PLEKHG1: variants seen among roughly 807,000 people sequenced by gnomAD.
PLEKHG1 encodes pleckstrin homology and RhoGEF domain containing G1, also known as pleckstrin homology domain-containing family G member 1.
Under a neutral mutation model 100.8 loss-of-function variants are expected in PLEKHG1, and 44 were observed. The observed-to-expected ratio is 0.44, with a 90% confidence interval of 0.34 to 0.56. The LOEUF (loss-of-function observed/expected upper bound fraction) is 0.56, where lower values mean the gene tolerates loss of function less well. PLEKHG1 is among the 20% of genes least tolerant of loss of function. The probability of loss-of-function intolerance (pLI) is 0.01; values close to 1 mark genes in which losing one functional copy is unlikely to be tolerated. For synonymous variants in PLEKHG1, 640 were observed against 662.5 expected, an observed-to-expected ratio of 0.97 and a Z score of 0.52; for missense variants, 1,545 against 1,720.9, an observed-to-expected ratio of 0.90 and a Z score of 1.81.
exon 15 of PLEKHG1, chr6:150,830,821 T>A: frequency 6.2e-7 from 1 of 1,614,112 alleles, no homozygotes; most frequent in Non-Finnish European, 8.5e-7. Context: ...CCTCCTCAGA[T>A]CTGAACTCTA....
At chr6:150,616,901 T>TATTATG (rs10648233) in intron 1 of PLEKHG1, among the ~76,000 whole-genome samples, 120,450 of 151,560 alleles carry the variant, frequency 0.79, 47,932 homozygotes, top group Admixed American at 0.85. Context: ...ATTCTCAATC[T>TATTATG]ATAAAAATCA....
intron 1 of PLEKHG1, among the ~76,000 whole-genome samples, chr6:150,629,691 C>A (rs892943559): frequency 2.0e-5 from 3 of 152,174 alleles, no homozygotes; most frequent in Admixed American, 1.3e-4. Context: ...GATCTCCTGA[C>A]CTCATGATCC....
intron 14 of PLEKHG1, among the ~76,000 whole-genome samples, chr6:150,826,413 G>C (rs934901615): frequency 1.3e-5 from 2 of 152,158 alleles, no homozygotes; most frequent in African/African-American, 4.8e-5. Flanking sequence ...AGCCGAGATT[G>C]TGCCACTGTA....
At chr6:150,686,601 T>G (rs529242018) in intron 3 of PLEKHG1, among the ~76,000 whole-genome samples, 1 of 152,344 alleles carries the variant, frequency 6.6e-6, no homozygotes, top group Admixed American at 6.5e-5. Flanking sequence ...TTCTCTTCTG[T>G]TGATTGACTT....
chr6:150,610,644 A>G (rs995513033), intron 1 of PLEKHG1, among the ~76,000 whole-genome samples: 22 of 152,254 alleles, frequency 1.4e-4, no homozygotes, highest in Non-Finnish European at 2.9e-5. Flanking sequence ...GAGCAGGAAA[A>G]GGAAGGAAAG....
intron 1 of PLEKHG1, among the ~76,000 whole-genome samples, chr6:150,727,812 G>A (rs1391449063): frequency 2.6e-5 from 4 of 152,142 alleles, no homozygotes; most frequent in South Asian, 2.1e-4. Context: ...TAAGCCATTC[G>A]CAAGGTTTGG....
chr6:150,749,850 G>A (rs1439719854), intron 2 of PLEKHG1, among the ~76,000 whole-genome samples: 4 of 152,146 alleles, frequency 2.6e-5, no homozygotes, highest in Non-Finnish European at 1.5e-5. Context: ...AGGGTGGGTG[G>A]ATCACGAGGT....
intron 11 of PLEKHG1, among the ~76,000 whole-genome samples, chr6:150,819,362 C>G (rs967673904): frequency 6.6e-6 from 1 of 151,792 alleles, no homozygotes; most frequent in African/African-American, 2.4e-5. Context: ...GTCAGGAGTT[C>G]AAGACCAGCC....
chr6:150,756,490 G>A (rs549561805), intron 2 of PLEKHG1, among the ~76,000 whole-genome samples: 1 of 152,262 alleles, frequency 6.6e-6, no homozygotes, highest in South Asian at 2.1e-4. Flanking sequence ...ATGTCGCCAG[G>A]GTGTAATCAC....
At chr6:150,642,389 G>T (rs981392) in intron 2 of PLEKHG1, among the ~76,000 whole-genome samples, 1 of 152,004 alleles carries the variant, frequency 6.6e-6, no homozygotes, top group Admixed American at 6.6e-5. Flanking sequence ...ATTTTATTAC[G>T]TGTAGAATCT....
chr6:150,656,241 G>T (rs1414553421), intron 3 of PLEKHG1, among the ~76,000 whole-genome samples: 1 of 151,958 alleles, frequency 6.6e-6, no homozygotes. Flanking sequence ...ATCTGAGGGG[G>T]TCCCTAACTA....
At position 150,740,584 on chromosome 6, in the gene PLEKHG1, G is replaced by T. The variant is rs542174994; in HGVS notation, c.411+6492G>T. Among the ~76,000 whole-genome samples the T allele has an allele frequency of 3.3e-5, 5 of 152,306 alleles. No homozygotes were observed. The East Asian group carries it at 9.6e-4, about 29-fold the overall frequency. On this transcript the variant is annotated intron_variant, in intron 2 of 15. Transcript: ENST00000358517. ...GACTAACGTTTTTTAAATACCGAGG[G>T]AGAAAAATGTGTTCCATGCTCAAGC...
At chr6:150,671,110 T>TATATATATAC (rs1491586627) in intron 3 of PLEKHG1, among the ~76,000 whole-genome samples, 1 of 122,038 alleles carries the variant, frequency 8.2e-6, no homozygotes, top group East Asian at 2.5e-4. Flanking sequence ...TATATATATA[T>TATATATATAC]ACACACACAC....
upstream of PLEKHG1, among the ~76,000 whole-genome samples, chr6:150,718,168 G>A (rs1196444433): frequency 2.0e-5 from 3 of 152,136 alleles, no homozygotes; most frequent in African/African-American, 7.2e-5. Flanking sequence ...AAATTATACA[G>A]CAAAAAGTGG....
chr6:150,666,528 C>T (rs559945704), intron 3 of PLEKHG1, among the ~76,000 whole-genome samples: 1 of 152,224 alleles, frequency 6.6e-6, no homozygotes, highest in South Asian at 2.1e-4. Context: ...AACCAATGAG[C>T]CCAGTGTCTC....
chr6:150,737,718 T>C (rs1782645022), intron 2 of PLEKHG1, among the ~76,000 whole-genome samples: 1 of 152,212 alleles, frequency 6.6e-6, no homozygotes, highest in Admixed American at 6.5e-5. Flanking sequence ...ATGCAAAATT[T>C]TAAATTAAGA....
chr6:150,800,865 T>C, exon 6 of PLEKHG1: 1 of 1,613,856 alleles, frequency 6.2e-7, no homozygotes, highest in Non-Finnish European at 8.5e-7. Flanking sequence ...CATCTCCTTC[T>C]GCATGTAAGT....
rs535233736 is a variant in PLEKHG1 at position 150,781,362 on chromosome 6, A to C, written c.513-5028A>C. On this transcript the variant is annotated intron_variant, in intron 3 of 15. Transcript: ENST00000358517. ...TCTACTAAAAATACAAAAATTAGCCAGACGTGGTGGCACATGCCTGTAATC... is the reference window on the plus strand; with the variant it reads ...TCTACTAAAAATACAAAAATTAGCCCGACGTGGTGGCACATGCCTGTAATC... Among the ~76,000 whole-genome samples the C allele has an allele frequency of 1.6e-3, 239 of 151,548 alleles. 1 individual carries two copies. The highest frequency in any genetic ancestry group is 5.6e-3 in the African/African-American group (232 of 41,406).
chr6:150,613,117 C>T (rs1475874043), intron 1 of PLEKHG1, among the ~76,000 whole-genome samples: 1 of 152,218 alleles, frequency 6.6e-6, no homozygotes, highest in Non-Finnish European at 1.5e-5. Context: ...ACTGGCCTCT[C>T]TGTGGTTCCT....
Sources: gnomAD v4.1 joint callset for allele counts (sites outside exome capture counted in the v4.1 genomes callset) on GRCh38, gnomAD v4.1.1 for gene constraint, MANE v1.5 for transcripts, NCBI Gene and HGNC (gene_info 2026-07-23, HGNC 2026-07-21) for gene names.